The following PTPRD variants were observed in gnomAD, a reference collection of about 807,000 sequenced individuals.
PTPRD encodes protein tyrosine phosphatase receptor type D.
In PTPRD, 34 loss-of-function variants were observed where a neutral mutation model predicts 214.5. The ratio of observed to expected loss-of-function variants is 0.16; its 90% CI spans 0.12 to 0.21. The LOEUF (loss-of-function observed/expected upper bound fraction) is 0.21. Ranked by LOEUF, PTPRD falls within the 10% of genes least tolerant of loss-of-function variation. The pLI, the probability that PTPRD is intolerant of heterozygous loss-of-function variation, is 1.00. For missense variants in PTPRD, 2,545 were observed against 2,398.7 expected (o/e 1.06, Z -1.27); for synonymous variants, 1,128 against 845.7 (o/e 1.33, Z -5.79).
At chr9:9,885,383 A>T (rs1437570470) in intron 5 of PTPRD, among the ~76,000 whole-genome samples, 3 of 152,090 alleles carry the variant, frequency 2.0e-5, no homozygotes, top group Admixed American at 6.6e-5. Flanking sequence ...TAACCTACAC[A>T]AAAGTTCCAC....
intron 11 of PTPRD, among the ~76,000 whole-genome samples, chr9:8,776,756 T>G (rs947614515): frequency 6.7e-6 from 1 of 149,362 alleles, no homozygotes; most frequent in Admixed American, 6.7e-5. Context: ...ATAGGCTATT[T>G]TTTTTTTGAA....
At chr9:9,062,961 A>G (rs369241888) in intron 10 of PTPRD, among the ~76,000 whole-genome samples, 2 of 152,326 alleles carry the variant, frequency 1.3e-5, no homozygotes, top group South Asian at 4.1e-4. Flanking sequence ...GAGAAAAGGT[A>G]CCATGTATGA....
intron 2 of PTPRD, among the ~76,000 whole-genome samples, chr9:10,503,531 G>C (rs1466189424): frequency 6.6e-6 from 1 of 151,948 alleles, no homozygotes; most frequent in Non-Finnish European, 1.5e-5. Context: ...AGGATATATA[G>C]AAAAAGATAT....
intron 10 of PTPRD, among the ~76,000 whole-genome samples, chr9:9,117,622 T>A (rs1346302952): frequency 6.6e-6 from 1 of 152,160 alleles, no homozygotes; most frequent in Non-Finnish European, 1.5e-5. Context: ...TGCAGCAACC[T>A]CATTACTGAA....
At chr9:8,782,815 C>T (rs990240937) in intron 11 of PTPRD, among the ~76,000 whole-genome samples, 2 of 152,020 alleles carry the variant, frequency 1.3e-5, no homozygotes, top group Non-Finnish European at 1.5e-5. Flanking sequence ...AGGCTGGTCT[C>T]GAACTCCTGA....
chr9:10,134,233 C>T (rs1326302993), intron 3 of PTPRD, among the ~76,000 whole-genome samples: 1 of 152,134 alleles, frequency 6.6e-6, no homozygotes, highest in Non-Finnish European at 1.5e-5. Context: ...AGCTGCAGGT[C>T]TCCTGGTGAC....
intron 7 of PTPRD, among the ~76,000 whole-genome samples, chr9:9,696,393 G>C (rs1382408446): frequency 1.3e-5 from 2 of 152,230 alleles, no homozygotes; most frequent in East Asian, 1.9e-4. Flanking sequence ...ATTACTGCGA[G>C]AGAGGTGTTG....
In PTPRD at chr9:9,885,498, G is replaced by A. The variant is rs116520438; in HGVS notation, c.-368+53009C>T. ...CAGCTTCACAGGGGTCCTACAGATG[G>A]ATATATTACTTACATGGCAAACGGA... On this transcript the variant is annotated intron_variant, in intron 5 of 45. Transcript: ENST00000381196. Among the ~76,000 whole-genome samples the A allele has an allele frequency of 8.9e-3, 1,350 of 152,110 alleles. 20 individuals carry two copies. Among genetic ancestry groups the A allele is most frequent in the African/African-American group, 0.031 (1,287 of 41,506 alleles).
chr9:9,348,821 T>A (rs1031779123), intron 9 of PTPRD, among the ~76,000 whole-genome samples: 40 of 152,142 alleles, frequency 2.6e-4, no homozygotes, highest in Non-Finnish European at 4.1e-4. Flanking sequence ...CCTCCACTTG[T>A]CCTAATTAGG....
At chr9:9,139,094 C>CT (rs1418762996) in intron 10 of PTPRD, among the ~76,000 whole-genome samples, 2 of 151,204 alleles carry the variant, frequency 1.3e-5, no homozygotes, top group South Asian at 4.2e-4. Context: ...ATGCAGGAGC[C>CT]CCCCTCCCCC....
chr9:10,226,239 T>C (rs531992074), intron 3 of PTPRD, among the ~76,000 whole-genome samples: 3 of 152,142 alleles, frequency 2.0e-5, no homozygotes, highest in South Asian at 4.1e-4. Context: ...ACCTACTGAA[T>C]GTACAGTGTG....
intron 3 of PTPRD, among the ~76,000 whole-genome samples, chr9:10,061,710 T>C (rs1240474327): frequency 3.3e-5 from 5 of 152,108 alleles, no homozygotes; most frequent in Non-Finnish European, 5.9e-5. Flanking sequence ...ACAAGAAACA[T>C]TCTTTTTCAC....
chr9:10,468,345 T>C lies in PTPRD; in HGVS notation c.-599-127328A>G, dbSNP rs180985806. Among the ~76,000 whole-genome samples the C allele has an allele frequency of 8.5e-5, 13 of 152,264 alleles. No individual in the cohort carries two copies. In the East Asian group the frequency reaches 2.3e-3, roughly 27 times the overall value. ...ATAAAAAAGGATGAGTTCATGTCCT[T>C]TGCAGAGACACAGATCAAGCTGGAA... On this transcript the variant is annotated intron_variant, in intron 2 of 45. Transcript: ENST00000381196.
chr9:9,177,324 G>A (rs1414463782), intron 10 of PTPRD, among the ~76,000 whole-genome samples: 1 of 151,982 alleles, frequency 6.6e-6, no homozygotes, highest in African/African-American at 2.4e-5. Context: ...CTTGACATGT[G>A]GGGATTATGG....
chr9:8,501,504 G>C (rs1308245548), intron 23 of PTPRD, among the ~76,000 whole-genome samples: 1 of 152,138 alleles, frequency 6.6e-6, no homozygotes, highest in Non-Finnish European at 1.5e-5. Flanking sequence ...CTATATTCTA[G>C]AATGAGGATG....
chr9:9,786,279 C>G (rs1416350973), intron 5 of PTPRD, among the ~76,000 whole-genome samples: 1 of 152,178 alleles, frequency 6.6e-6, no homozygotes, highest in Non-Finnish European at 1.5e-5. Context: ...TATGCCTACT[C>G]TAACCCATTA....
intron 20 of PTPRD, among the ~76,000 whole-genome samples, chr9:8,518,875 T>C (rs2097838869): frequency 6.6e-6 from 1 of 152,202 alleles, no homozygotes. Flanking sequence ...AAAACCTTAG[T>C]ATTAGCTGCA....
At chr9:8,339,071 T>G (rs960543622) in intron 42 of PTPRD, 24 bp from the exon 43 acceptor site, 2 of 1,604,720 alleles carry the variant, frequency 1.2e-6, no homozygotes, top group Admixed American at 3.4e-5. Flanking sequence ...AGATTAATGT[T>G]AAACTATGCA....
chr9:9,607,972 T>A (rs1000171575), intron 7 of PTPRD, among the ~76,000 whole-genome samples: 7 of 152,062 alleles, frequency 4.6e-5, no homozygotes, highest in Non-Finnish European at 1.0e-4. Flanking sequence ...GAGGAAACAG[T>A]CTGGATTTGG....
Sources: gnomAD v4.1 joint callset for allele counts (sites outside exome capture counted in the v4.1 genomes callset) on GRCh38, gnomAD v4.1.1 for gene constraint, MANE v1.5 for transcripts, NCBI Gene and HGNC (gene_info 2026-07-23, HGNC 2026-07-21) for gene names.